DNER: variants seen among roughly 807,000 people sequenced by gnomAD.
DNER encodes delta/notch like EGF repeat containing.
In DNER, 33 loss-of-function variants were observed where a neutral mutation model predicts 78.2. The observed-to-expected ratio is 0.42, with a 90% CI of 0.32 to 0.56. The LOEUF (loss-of-function observed/expected upper bound fraction) is 0.56. DNER is among the 20% of genes least tolerant of loss of function. The pLI is 0.11. For synonymous variants in DNER, 417 were observed against 384.8 expected (o/e 1.08, Z -0.98); for missense variants, 918 against 975.3 (o/e 0.94, Z 0.78).
chr2:229,688,284 T>A (rs759597331), intron 1 of DNER, among the ~76,000 whole-genome samples: 2 of 152,192 alleles, frequency 1.3e-5, no homozygotes, highest in Non-Finnish European at 2.9e-5. Context: ...TATCCCAGAC[T>A]TCTCTGTAGC....
intron 4 of DNER, among the ~76,000 whole-genome samples, chr2:229,553,289 T>C (rs1003485747): frequency 6.6e-6 from 1 of 152,172 alleles, no homozygotes; most frequent in African/African-American, 2.4e-5. Context: ...ATCTCTGGGT[T>C]GTACTTGTGT....
intron 6 of DNER, among the ~76,000 whole-genome samples, chr2:229,496,630 A>G (rs1380604313): frequency 6.6e-6 from 1 of 152,204 alleles, no homozygotes; most frequent in Non-Finnish European, 1.5e-5. Flanking sequence ...TGCAAGTGGA[A>G]ACCAAAAGAG....
chr2:229,436,373 C>T (rs1183788107), intron 8 of DNER, among the ~76,000 whole-genome samples: 2 of 152,108 alleles, frequency 1.3e-5, no homozygotes, highest in Non-Finnish European at 2.9e-5. Context: ...AGGTTGATTC[C>T]GTGTCTTTGC....
At chr2:229,586,316 T>C (rs527280464) in intron 3 of DNER, among the ~76,000 whole-genome samples, 2 of 151,032 alleles carry the variant, frequency 1.3e-5, no homozygotes, top group African/African-American at 4.9e-5. Context: ...AGCCACACAA[T>C]ATAAAAAGAG....
intron 6 of DNER, among the ~76,000 whole-genome samples, chr2:229,493,174 C>T (rs1353322727): frequency 2.0e-5 from 3 of 152,180 alleles, no homozygotes; most frequent in African/African-American, 7.2e-5. Flanking sequence ...ACACGCGCAA[C>T]AACATTCCCG....
chr2:229,425,769 A>G (rs920743179), intron 8 of DNER, among the ~76,000 whole-genome samples: 1 of 152,126 alleles, frequency 6.6e-6, no homozygotes, highest in Non-Finnish European at 1.5e-5. Flanking sequence ...ACAAATTCCC[A>G]GCGACTCATC....
intron 1 of DNER, among the ~76,000 whole-genome samples, chr2:229,682,250 C>T (rs988989943): frequency 6.6e-6 from 1 of 152,186 alleles, no homozygotes; most frequent in African/African-American, 2.4e-5. Context: ...AGACGATAGG[C>T]TGAAACTTCC....
chr2:229,687,263 C>G (rs1229300899), intron 1 of DNER, among the ~76,000 whole-genome samples: 1 of 127,738 alleles, frequency 7.8e-6, no homozygotes, highest in Non-Finnish European at 1.6e-5. Flanking sequence ...TTTCCAACTT[C>G]TTTTTTTTTT....
At chr2:229,403,749 T>G (rs1348921295) in intron 10 of DNER, among the ~76,000 whole-genome samples, 1 of 151,064 alleles carries the variant, frequency 6.6e-6, no homozygotes, top group Admixed American at 6.6e-5. Flanking sequence ...GTATGGTGGG[T>G]GTAGGGGTAA....
chr2:229,515,533 C>A (rs760064422), intron 5 of DNER, among the ~76,000 whole-genome samples: 7 of 151,750 alleles, frequency 4.6e-5, no homozygotes, highest in Admixed American at 4.6e-4. Context: ...GGTTATTTGA[C>A]GGATACATTT....
At chr2:229,481,644 T>C (rs1159602604) in intron 6 of DNER, among the ~76,000 whole-genome samples, 3 of 152,218 alleles carry the variant, frequency 2.0e-5, no homozygotes, top group African/African-American at 4.8e-5. Context: ...GAAATTTAAA[T>C]GAAAAATACC....
intron 7 of DNER, among the ~76,000 whole-genome samples, chr2:229,465,882 A>T (rs1380781753): frequency 6.6e-6 from 1 of 151,776 alleles, no homozygotes; most frequent in East Asian, 2.0e-4. Context: ...TCCCAATAGC[A>T]CCCCCGTATA....
At chr2:229,649,684 T>C (rs190573967) in intron 1 of DNER, among the ~76,000 whole-genome samples, 272 of 152,306 alleles carry the variant, frequency 1.8e-3, no homozygotes, top group Non-Finnish European at 3.4e-3. Context: ...TACAACATGA[T>C]GAAAATTTCC....
chr2:229,684,085 AGATAGT>A, intron 1 of DNER, among the ~76,000 whole-genome samples: 1 of 148,672 alleles, frequency 6.7e-6, no homozygotes, highest in South Asian at 2.1e-4. Flanking sequence ...TGAGAACAGG[AGATAGT>A]ACCTACCAGA....
Position 229,668,528 on chromosome 2 carries a change from GTGTGTGTGTATATATATATATATATA to G in DNER, c.276+45594_276+45619del, listed in dbSNP as rs1446593907. On this transcript the variant is annotated intron_variant, in intron 1 of 12. Transcript: ENST00000341772. ...TATATAGGTAAGTATGTGTGTGTGT[GTGTGTGTGTATATATATATATATATA>G]TATATATATATATATATATATATAT... Among the ~76,000 whole-genome samples the G allele has an allele frequency of 2.8e-3, 139 of 49,596 alleles. 2 individuals are homozygous for G. The highest frequency in any genetic ancestry group is 0.016 in the African/African-American group (119 of 7,388). The allele number at this position is 49,596 out of a possible 152,430, so 32.5% of individuals were successfully genotyped here.
At chr2:229,499,936 T>C (rs1212214415) in intron 6 of DNER, among the ~76,000 whole-genome samples, 2 of 151,160 alleles carry the variant, frequency 1.3e-5, no homozygotes, top group African/African-American at 2.4e-5. Flanking sequence ...TCTTTCTTTT[T>C]TTTTTTTTTT....
rs545130497 is a variant in DNER at position 229,582,873 on chromosome 2, G to A, written c.847+2985C>T. Among the ~76,000 whole-genome samples the A allele has an allele frequency of 8.5e-5, 13 of 152,094 alleles. No homozygotes were observed. The South Asian group carries it at 2.5e-3, about 29-fold the overall frequency. Reference sequence around the variant, plus strand: ...TCAGGCTGGTCTCAATCTCCTGACCGCGTGATCCACCCGCCTCAGCCTCCC... The same window carrying A: ...TCAGGCTGGTCTCAATCTCCTGACCACGTGATCCACCCGCCTCAGCCTCCC... On this transcript the variant is annotated intron_variant, in intron 4 of 12. Transcript: ENST00000341772.
chr2:229,497,317 G>A (rs955482007), intron 6 of DNER, among the ~76,000 whole-genome samples: 1 of 151,866 alleles, frequency 6.6e-6, no homozygotes, highest in African/African-American at 2.4e-5. Flanking sequence ...TAAGAGGAAA[G>A]GATGTAACAA....
At chr2:229,658,303 A>G (rs2154216469) in intron 1 of DNER, among the ~76,000 whole-genome samples, 1 of 152,336 alleles carries the variant, frequency 6.6e-6, no homozygotes, top group Admixed American at 6.5e-5. Flanking sequence ...TGTCAGAGAA[A>G]TCAGTACTTC....
Sources: gnomAD v4.1 joint callset for allele counts (sites outside exome capture counted in the v4.1 genomes callset) on GRCh38, gnomAD v4.1.1 for gene constraint, MANE v1.5 for transcripts, NCBI Gene and HGNC (gene_info 2026-07-23, HGNC 2026-07-21) for gene names.